BTAF1: variants seen among roughly 807,000 people sequenced by gnomAD.
BTAF1 encodes the protein TATA-binding protein-associated factor 172.
A neutral mutation model predicts 227.1 loss-of-function variants in BTAF1; 38 were observed. The ratio of observed to expected loss-of-function variants is 0.17; its 90% CI spans 0.13 to 0.22. The LOEUF is 0.22. Among genes scored for constraint, BTAF1 ranks in the 10% least tolerant of loss-of-function variants. The pLI is 1.00. For synonymous variants in BTAF1, 742 were observed against 751.9 expected (o/e 0.99, Z 0.21); for missense variants, 1,598 against 2,204.0 (o/e 0.73, Z 5.51).
At chr10:91,994,777 G>A in intron 23 of BTAF1, 133 bp downstream of exon 23, 1 of 698,406 alleles carries the variant, frequency 1.4e-6, no homozygotes, top group Non-Finnish European at 2.4e-6. Context: ...GGTATAACTA[G>A]ATTCCTCCTT....
chr10:91,997,532 CT>C (rs1564705613), intron 24 of BTAF1, 70 bp from the exon 25 acceptor site: 3 of 1,362,650 alleles, frequency 2.2e-6, no homozygotes, highest in Non-Finnish European at 3.0e-6. Flanking sequence ...AAGTTAAAAT[CT>C]TGGTATCAGT....
intron 1 of BTAF1, among the ~76,000 whole-genome samples, chr10:91,924,308 C>T (rs552269820): frequency 1.3e-5 from 2 of 152,094 alleles, no homozygotes; most frequent in East Asian, 1.9e-4. Context: ...TGTTAATAGA[C>T]CCCTTGGCAC....
rs1848074597 is a variant in BTAF1, at chr10:91,981,729, G to A, written c.1842G>A (p.Met614Ile). 1 of 1,613,724 alleles carries A rather than the reference G, an allele frequency of 6.2e-7. No homozygotes were observed. The highest frequency in any genetic ancestry group is 1.7e-5 in the Admixed American group (1 of 59,942). The change falls in exon 16 of 38, where the codon ATG becomes ATA. Residue 614 changes from methionine (M) to isoleucine (I), a missense_variant. Met to Ile is a conservative substitution (Grantham distance 10). Transcript: ENST00000265990. Reference sequence around the variant, plus strand: ...GGATGGGTGCTTGGCTTTGCTTGATGATGCAGCCTTCTCATTTACCTATCG... The same window carrying A: ...GGATGGGTGCTTGGCTTTGCTTGATAATGCAGCCTTCTCATTTACCTATCG... ...CPWMGAWLCL[M>I]MQPSHLPIDL...
At chr10:92,001,515 C>T (rs1227541881) in intron 25 of BTAF1, among the ~76,000 whole-genome samples, 1 of 152,218 alleles carries the variant, frequency 6.6e-6, no homozygotes, top group South Asian at 2.1e-4. Context: ...CATATTGCCT[C>T]AGTAATAGAG....
chr10:91,998,898 AC>A (rs1849314050), intron 25 of BTAF1, among the ~76,000 whole-genome samples: 3 of 152,128 alleles, frequency 2.0e-5, no homozygotes, highest in African/African-American at 7.2e-5. Context: ...CCTCGTCTCT[AC>A]TAAAAATACA....
In BTAF1 at chr10:91,984,980, ATTTG is replaced by A. The variant is rs551300102; in HGVS notation, c.2427+580_2427+583del. Among the ~76,000 whole-genome samples the A allele has an allele frequency of 2.2e-3, 329 of 152,144 alleles. 1 individual carries two copies. Among genetic ancestry groups the A allele is most frequent in the Admixed American group, 5.5e-3 (84 of 15,260 alleles). On this transcript the variant is annotated intron_variant, in intron 19 of 37. Coordinates refer to ENST00000265990, the MANE Select transcript of BTAF1 (RefSeq NM_003972.3). ...TTTATATAATTAACTAAAATTCAGTATTTGTTTATTTTTTTTTGCTGTTCTGAGG... is the reference window on the plus strand; with the variant it reads ...TTTATATAATTAACTAAAATTCAGTATTTATTTTTTTTTGCTGTTCTGAGG...
intron 29 of BTAF1, 43 bp from the exon 30 acceptor site, chr10:92,011,243 C>A: frequency 6.7e-7 from 1 of 1,501,530 alleles, no homozygotes; most frequent in Non-Finnish European, 9.0e-7. Flanking sequence ...TAGTTCCTGA[C>A]ATACAGCAAA....
Position 91,966,754 on chromosome 10 carries a change from C to T in BTAF1, c.1647C>T (p.Asp549=). The T allele has an allele frequency of 6.2e-7, 1 of 1,613,518 alleles. No homozygotes were observed. Among genetic ancestry groups the T allele is most frequent in the Non-Finnish European group, 8.5e-7 (1 of 1,179,706 alleles). Residue 549 remains aspartate (D), a synonymous_variant, in exon 14 of 38, where the codon GAC becomes GAT. Transcript: ENST00000265990. ...TGTTTACGTTATTATCAACACAGGA[C>T]CAGGTAAGAACTGATAACTATAGCA... ...ETLFTLLSTQ[D]QNSSSWLIPI... is the part of the protein sequence containing the mutation.
intron 1 of BTAF1, among the ~76,000 whole-genome samples, chr10:91,927,005 C>T (rs1427807289): frequency 6.6e-6 from 1 of 151,874 alleles, no homozygotes; most frequent in East Asian, 1.9e-4. Flanking sequence ...CTGTACTTCC[C>T]CTTCACCTTC....
At chr10:91,928,254 G>C (rs1844005406) in intron 1 of BTAF1, among the ~76,000 whole-genome samples, 1 of 152,106 alleles carries the variant, frequency 6.6e-6, no homozygotes, top group Non-Finnish European at 1.5e-5. Flanking sequence ...TCAGTTGTAA[G>C]AATGTGGCAG....
intron 36 of BTAF1, 106 bp from the exon 37 acceptor site, chr10:92,027,024 C>A: frequency 8.3e-7 from 1 of 1,209,136 alleles, no homozygotes; most frequent in Non-Finnish European, 1.2e-6. Context: ...AAAAATCCAA[C>A]CCTAATTAGG....
chr10:92,011,432 A>AT lies in BTAF1; in HGVS notation c.4311+25dup, dbSNP rs745675864. On this transcript the variant is annotated intron_variant, in intron 30 of 37. Coordinates refer to ENST00000265990, the MANE Select transcript of BTAF1 (RefSeq NM_003972.3). ...CCAATCCAGGTAATTATTTATTATT[A>AT]TTTTTTTTAATTATTTTTATTTTTA... The AT allele has an allele frequency of 1.2e-5, 14 of 1,136,104 alleles. No homozygotes were observed. The highest frequency in any genetic ancestry group is 3.3e-5 in the East Asian group (1 of 30,484). The allele number at this position is 1,136,104 out of a possible 1,614,324, so 70.4% of individuals were successfully genotyped here. A position where few individuals can be genotyped will look rare whatever the true frequency, so the allele number is the denominator to read the frequency against.
chr10:92,018,749 T>A (rs773801869), intron 33 of BTAF1, 34 bp from the exon 34 acceptor site: 1 of 1,410,718 alleles, frequency 7.1e-7, no homozygotes, highest in Non-Finnish European at 9.4e-7. Flanking sequence ...ATATGCGAAA[T>A]TGACTCATAT....
chr10:91,934,478 C>T (rs1844470234), intron 1 of BTAF1, among the ~76,000 whole-genome samples: 1 of 152,062 alleles, frequency 6.6e-6, no homozygotes, highest in South Asian at 2.1e-4. Flanking sequence ...CTCAAGTGAT[C>T]CTCCCACCTC....
chr10:91,943,722 A>G (rs1845173708), intron 4 of BTAF1, among the ~76,000 whole-genome samples: 1 of 152,232 alleles, frequency 6.6e-6, no homozygotes, highest in Non-Finnish European at 1.5e-5. Context: ...CTTTTCATTT[A>G]TATCACTAAA....
At chr10:91,955,229 A>C (rs1373895229) in intron 6 of BTAF1, among the ~76,000 whole-genome samples, 1 of 152,216 alleles carries the variant, frequency 6.6e-6, no homozygotes, top group Non-Finnish European at 1.5e-5. Flanking sequence ...ACTTTTAGCC[A>C]AAGATTTGAA....
chr10:91,924,650 A>G (rs773883690), intron 1 of BTAF1, among the ~76,000 whole-genome samples: 54 of 152,246 alleles, frequency 3.5e-4, no homozygotes, highest in Non-Finnish European at 7.1e-4. Flanking sequence ...CAATTATCGT[A>G]TTAGCATCAT....
intron 4 of BTAF1, among the ~76,000 whole-genome samples, chr10:91,947,170 A>G (rs1210835860): frequency 2.0e-5 from 3 of 152,120 alleles, no homozygotes; most frequent in Non-Finnish European, 2.9e-5. Context: ...CTACTGCTCT[A>G]TAGGTTATCT....
At chr10:92,028,407 C>G (rs1262929466) in intron 37 of BTAF1, among the ~76,000 whole-genome samples, 8 of 152,086 alleles carry the variant, frequency 5.3e-5, no homozygotes, top group Non-Finnish European at 1.0e-4. Context: ...TATTCTTGTT[C>G]TTAGGAATAC....
Sources: gnomAD v4.1 joint callset for allele counts (sites outside exome capture counted in the v4.1 genomes callset) on GRCh38, gnomAD v4.1.1 for gene constraint, MANE v1.5 for transcripts, NCBI Gene and HGNC (gene_info 2026-07-23, HGNC 2026-07-21) for gene names.